The following CACNA2D1 variants were observed in gnomAD, a reference collection of about 807,000 sequenced individuals.
The protein encoded by CACNA2D1 is voltage-dependent calcium channel subunit alpha-2/delta-1.
CACNA2D1 carries 53 observed loss-of-function variants against 171.5 expected under a neutral mutation model. The ratio of observed to expected loss-of-function variants is 0.31; its 90% CI spans 0.25 to 0.39. CACNA2D1 has a LOEUF of 0.39. Ranked by LOEUF, CACNA2D1 falls within the 10% of genes least tolerant of loss-of-function variation. CACNA2D1 has a pLI of 1.00. For missense variants in CACNA2D1, 903 were observed against 1,299.8 expected (o/e 0.69, Z 4.69); for synonymous variants, 442 against 443.1 (o/e 1.00, Z 0.03).
At chr7:82,403,277 G>C (rs919560585) in intron 1 of CACNA2D1, among the ~76,000 whole-genome samples, 1 of 152,146 alleles carries the variant, frequency 6.6e-6, no homozygotes, top group Admixed American at 6.5e-5. Context: ...AAAGATTTTG[G>C]AGGTAATACA....
chr7:82,031,542 C>T (rs1463154092), intron 12 of CACNA2D1, among the ~76,000 whole-genome samples: 2 of 151,792 alleles, frequency 1.3e-5, no homozygotes, highest in African/African-American at 4.8e-5. Context: ...ACCCTTAAAC[C>T]TTACATTAAA....
chr7:81,950,341 A>C lies in CACNA2D1; in HGVS notation c.*51T>G, dbSNP rs776265892. The C allele has an allele frequency of 2.5e-6, 4 of 1,612,580 alleles. No homozygotes were observed. The East Asian group carries it at 8.9e-5, about 36-fold the overall frequency. The stretch of plus-strand genomic sequence containing the variant: ...GTTACTGTAATTGAGGGCAGGGCTC[A>C]TGTTTTGGCAGGGTCTGGAGTTTAA... On this transcript the variant is annotated 3_prime_UTR_variant, in exon 39 of 39. Transcript: ENST00000356860.
At chr7:82,019,498 G>A (rs1329006192) in intron 12 of CACNA2D1, among the ~76,000 whole-genome samples, 3 of 152,256 alleles carry the variant, frequency 2.0e-5, no homozygotes, top group South Asian at 4.1e-4. Context: ...AGACTTTTAA[G>A]TAAGAGCAGT....
chr7:82,332,230 T>A (rs936199490), intron 3 of CACNA2D1, among the ~76,000 whole-genome samples: 1 of 152,016 alleles, frequency 6.6e-6, no homozygotes, highest in Admixed American at 6.6e-5. Context: ...CCCAGCTAAT[T>A]TTTGTATTTT....
chr7:82,065,122 T>C (rs1386388667), intron 8 of CACNA2D1, among the ~76,000 whole-genome samples: 1 of 151,892 alleles, frequency 6.6e-6, no homozygotes, highest in Non-Finnish European at 1.5e-5. Flanking sequence ...TCAATTTTTT[T>C]ACTTATTTCT....
At chr7:82,247,702 C>A (rs2129308206) in intron 3 of CACNA2D1, among the ~76,000 whole-genome samples, 1 of 152,158 alleles carries the variant, frequency 6.6e-6, no homozygotes, top group South Asian at 2.1e-4. Context: ...AAGGAAAGAG[C>A]CTCCATAATA....
chr7:82,185,959 C>A (rs879821488), intron 3 of CACNA2D1, among the ~76,000 whole-genome samples: 2 of 151,836 alleles, frequency 1.3e-5, no homozygotes, highest in African/African-American at 2.4e-5. Context: ...GAGTTCAAGA[C>A]CAGCCTGACC....
intron 2 of CACNA2D1, among the ~76,000 whole-genome samples, chr7:82,342,790 A>T (rs2129445138): frequency 6.6e-6 from 1 of 152,312 alleles, no homozygotes; most frequent in South Asian, 2.1e-4. Context: ...TGGGTGTAAT[A>T]CAAGGAGTTA....
rs558103164 is a variant in CACNA2D1 at position 81,959,422 on chromosome 7, G to A, written c.3077-65C>T. ...TCACATGATTAAAAATAAATACAAT[G>A]CAATGTATTTCCCAAAACATGTGAG... is the stretch of plus-strand genomic sequence containing the variant. On this transcript the variant is annotated intron_variant, in intron 37 of 38. Transcript: ENST00000356860. 4.8e-4 allele frequency: 533 copies of A among 1,101,080 alleles called. 8 individuals are homozygous for A. Among genetic ancestry groups the A allele is most frequent in the South Asian group, 4.1e-3 (330 of 80,110 alleles). The allele number at this position is 1,101,080 out of a possible 1,614,324, so 68.2% of individuals were successfully genotyped here.
chr7:82,114,854 T>C (rs770600805), intron 6 of CACNA2D1, among the ~76,000 whole-genome samples: 15 of 152,062 alleles, frequency 9.9e-5, no homozygotes, highest in Middle Eastern at 3.4e-3. Context: ...GGCACACTGG[T>C]TTTGGCTTTA....
At chr7:82,267,765 T>C (rs952434896) in intron 3 of CACNA2D1, among the ~76,000 whole-genome samples, 1 of 152,048 alleles carries the variant, frequency 6.6e-6, no homozygotes, top group African/African-American at 2.4e-5. Flanking sequence ...GAGGCCGAGG[T>C]GGGCGGATCA....
intron 12 of CACNA2D1, chr7:82,021,298 A>C (rs1801178303): frequency 6.6e-6 from 1 of 152,126 alleles, no homozygotes; most frequent in African/African-American, 2.4e-5. Context: ...AATGCTCATG[A>C]AAAACTATGT....
At chr7:81,978,455 C>T (rs1335596536) in intron 24 of CACNA2D1, among the ~76,000 whole-genome samples, 1 of 151,982 alleles carries the variant, frequency 6.6e-6, no homozygotes, top group African/African-American at 2.4e-5. Context: ...TGGAAGCCAT[C>T]ATTCTCAGCA....
chr7:82,388,115 T>C (rs941569456), intron 1 of CACNA2D1, among the ~76,000 whole-genome samples: 4 of 150,282 alleles, frequency 2.7e-5, no homozygotes, highest in African/African-American at 7.4e-5. Context: ...ACAAACTACA[T>C]CTGACCTAAT....
At chr7:82,211,571 G>A (rs1232629194) in intron 3 of CACNA2D1, among the ~76,000 whole-genome samples, 3 of 152,110 alleles carry the variant, frequency 2.0e-5, no homozygotes, top group African/African-American at 4.8e-5. Flanking sequence ...AGTATTTCAT[G>A]GTGTAGATTT....
At chr7:82,384,092 ACTGAAAC>A (rs957892062) in intron 1 of CACNA2D1, among the ~76,000 whole-genome samples, 1 of 152,208 alleles carries the variant, frequency 6.6e-6, no homozygotes, top group African/African-American at 2.4e-5. Flanking sequence ...TATAGTATAT[ACTGAAAC>A]CTCTCATTTA....
rs1830690808 is a variant in CACNA2D1, at chr7:82,443,762, C to G, written c.-303G>C. 10 of 1,102,298 alleles carry G rather than the reference C, an allele frequency of 9.1e-6. No individual in the cohort carries two copies. Among genetic ancestry groups the G allele is most frequent in the Non-Finnish European group, 1.0e-5 (9 of 870,486 alleles). 68.3% of individuals were successfully genotyped at this position (1,102,298 alleles called of 1,614,324 possible). A position where few individuals can be genotyped will look rare whatever the true frequency, so the allele number is the denominator to read the frequency against. On this transcript the variant is annotated 5_prime_UTR_variant, in exon 1 of 39. Transcript: ENST00000356860. ...ACAGACCTCGGCGAGCCCGCCGGCG[C>G]TCGCGCGCTCTCGCTCTCCCTCTCG...
intron 1 of CACNA2D1, among the ~76,000 whole-genome samples, chr7:82,365,861 T>TA (rs1325975843): frequency 6.6e-6 from 1 of 152,202 alleles, no homozygotes; most frequent in African/African-American, 2.4e-5. Flanking sequence ...ATGACCCTCC[T>TA]AGTTATTTTC....
rs1491481168 is a variant in CACNA2D1 at position 82,332,565 on chromosome 7, A to AGAAAGAAAGAAC, written c.294+2569_294+2570insGTTCTTTCTTTC. Among the ~76,000 whole-genome samples the AGAAAGAAAGAAC allele has an allele frequency of 3.1e-3, 339 of 109,252 alleles. 1 individual carries two copies. The highest frequency in any genetic ancestry group is 3.9e-3 in the Non-Finnish European group (177 of 45,232). The allele number at this position is 109,252 out of a possible 152,430, so 71.7% of individuals were successfully genotyped here. A position where few individuals can be genotyped will look rare whatever the true frequency, so the allele number is the denominator to read the frequency against. ...AAGAAAGAAAGAAAGAAAGAAAGAA[A>AGAAAGAAAGAAC]GAACGAACAGAAAATTTTTGAGGGT... On this transcript the variant is annotated intron_variant, in intron 3 of 38. Transcript: ENST00000356860.
Sources: gnomAD v4.1 joint callset for allele counts (sites outside exome capture counted in the v4.1 genomes callset) on GRCh38, gnomAD v4.1.1 for gene constraint, MANE v1.5 for transcripts, NCBI Gene and HGNC (gene_info 2026-07-23, HGNC 2026-07-21) for gene names.